NDST4: variants seen among roughly 807,000 people sequenced by gnomAD.
NDST4 encodes N-deacetylase and N-sulfotransferase 4.
A neutral mutation model predicts 100.8 loss-of-function variants in NDST4; 63 were observed. The ratio of observed to expected loss-of-function variants is 0.62; its 90% CI spans 0.51 to 0.77. NDST4 has a LOEUF of 0.77. Among genes scored for constraint, NDST4 ranks in the 30% least tolerant of loss-of-function variants. The pLI, the probability that NDST4 is intolerant of heterozygous loss-of-function variation, is 0.00. For synonymous variants in NDST4, 377 were observed against 361.8 expected (o/e 1.04, Z -0.48); for missense variants, 943 against 1,018.4 (o/e 0.93, Z 1.01).
At chr4:114,981,400 TG>T (rs968308254) in intron 2 of NDST4, among the ~76,000 whole-genome samples, 16 of 152,300 alleles carry the variant, frequency 1.1e-4, no homozygotes, top group Non-Finnish European at 1.9e-4. Context: ...TTGTCAATTC[TG>T]GGGCCCACTT....
chr4:115,015,975 T>A (rs1727668345), intron 2 of NDST4, among the ~76,000 whole-genome samples: 1 of 152,068 alleles, frequency 6.6e-6, no homozygotes, highest in Admixed American at 6.6e-5. Flanking sequence ...CAGCATTTTG[T>A]TCTTACTGAA....
chr4:115,054,148 T>C (rs968651280), intron 2 of NDST4, among the ~76,000 whole-genome samples: 4 of 151,874 alleles, frequency 2.6e-5, no homozygotes, highest in Non-Finnish European at 4.4e-5. Context: ...AAACATAATA[T>C]ACCTAAAAAT....
intron 7 of NDST4, among the ~76,000 whole-genome samples, chr4:114,870,175 C>T (rs543007873): frequency 6.5e-4 from 99 of 152,130 alleles, no homozygotes; most frequent in African/African-American, 2.2e-3. Context: ...CTAAGTGGCC[C>T]CACATGAAGT....
intron 2 of NDST4, among the ~76,000 whole-genome samples, chr4:115,001,231 A>G (rs1727282988): frequency 6.6e-6 from 1 of 151,796 alleles, no homozygotes; most frequent in East Asian, 1.9e-4. Flanking sequence ...CTGGCATTGC[A>G]TGAGGTCTCA....
intron 1 of NDST4, among the ~76,000 whole-genome samples, chr4:115,090,546 TA>T (rs1012463555): frequency 7.9e-5 from 12 of 152,052 alleles, no homozygotes; most frequent in African/African-American, 2.7e-4. Context: ...TTATATTTGA[TA>T]TTTTTTTCTA....
At chr4:115,092,526 G>A (rs1489996800) in intron 1 of NDST4, among the ~76,000 whole-genome samples, 3 of 151,862 alleles carry the variant, frequency 2.0e-5, no homozygotes, top group African/African-American at 7.2e-5. Context: ...AAATCCTGAG[G>A]GATTAAAATC....
intron 2 of NDST4, among the ~76,000 whole-genome samples, chr4:114,996,162 A>G (rs866265672): frequency 4.6e-5 from 7 of 152,176 alleles, no homozygotes; most frequent in African/African-American, 9.6e-5. Context: ...GGGCAGGACC[A>G]GGTAGAGGTA....
At chr4:115,050,817 C>T (rs1452340125) in intron 2 of NDST4, among the ~76,000 whole-genome samples, 1 of 152,182 alleles carries the variant, frequency 6.6e-6, no homozygotes, top group East Asian at 1.9e-4. Flanking sequence ...CTTTGTACTG[C>T]ATTAAATTCT....
chr4:115,005,478 C>A lies in NDST4; in HGVS notation c.979-28204G>T, dbSNP rs535736689. 3.9e-5 allele frequency among the ~76,000 whole-genome samples: 6 copies of A among 152,152 alleles called. No individual in the cohort carries two copies. The South Asian group carries it at 1.0e-3, about 26-fold the overall frequency. ...CAACACCAATATCTTGGGAAGAAAGCATGTCTGAGGTAGTAGAGGAAGAAC... is the reference window on the plus strand; with the variant it reads ...CAACACCAATATCTTGGGAAGAAAGAATGTCTGAGGTAGTAGAGGAAGAAC... On this transcript the variant is annotated intron_variant, in intron 2 of 13. Coordinates refer to ENST00000264363, the MANE Select transcript of NDST4 (RefSeq NM_022569.3).
At chr4:114,941,740 G>A (rs891084971) in intron 4 of NDST4, among the ~76,000 whole-genome samples, 4 of 152,180 alleles carry the variant, frequency 2.6e-5, no homozygotes, top group Non-Finnish European at 4.4e-5. Context: ...CAGGGAGCCA[G>A]TTCTATATGG....
intron 2 of NDST4, among the ~76,000 whole-genome samples, chr4:115,059,091 A>C (rs191687335): frequency 4.6e-5 from 7 of 152,064 alleles, no homozygotes; most frequent in African/African-American, 1.7e-4. Flanking sequence ...GTAGTAGGAC[A>C]TTCCTTAGTG....
chr4:115,018,395 A>T (rs1727736258), intron 2 of NDST4, among the ~76,000 whole-genome samples: 1 of 151,964 alleles, frequency 6.6e-6, no homozygotes, highest in Non-Finnish European at 1.5e-5. Flanking sequence ...CCACATAAAC[A>T]ATATGGAGCT....
chr4:114,849,601 C>G (rs116594289), intron 8 of NDST4, among the ~76,000 whole-genome samples: 3,024 of 152,078 alleles, frequency 0.02, 132 homozygotes, highest in South Asian at 0.18. Context: ...AAGGGAAGAA[C>G]GTAACAACAG....
intron 2 of NDST4, among the ~76,000 whole-genome samples, chr4:115,064,131 G>C (rs1049545020): frequency 6.6e-6 from 1 of 151,910 alleles, no homozygotes; most frequent in Non-Finnish European, 1.5e-5. Context: ...AAAATATTCT[G>C]AGCAGAAAAT....
At chr4:114,945,427 C>A (rs1725841154) in intron 4 of NDST4, among the ~76,000 whole-genome samples, 1 of 152,004 alleles carries the variant, frequency 6.6e-6, no homozygotes, top group East Asian at 1.9e-4. Context: ...CTTGTAAAAC[C>A]AGCCCACAAT....
chr4:115,033,704 A>G (rs1369634454), intron 2 of NDST4, among the ~76,000 whole-genome samples: 1 of 152,092 alleles, frequency 6.6e-6, no homozygotes, highest in Non-Finnish European at 1.5e-5. Flanking sequence ...GAAAGACTGC[A>G]CAATATAAAC....
At chr4:115,083,025 C>T (rs780487618) in intron 1 of NDST4, among the ~76,000 whole-genome samples, 3 of 152,154 alleles carry the variant, frequency 2.0e-5, no homozygotes, top group African/African-American at 4.8e-5. Context: ...CTTGACTTTT[C>T]GTGATGGCTG....
intron 6 of NDST4, among the ~76,000 whole-genome samples, chr4:114,927,082 A>C (rs900884368): frequency 1.3e-5 from 2 of 152,022 alleles, no homozygotes; most frequent in African/African-American, 4.8e-5. Context: ...CTACCATTAG[A>C]TATCTTCCCA....
chr4:115,038,859 C>T (rs1270117331), intron 2 of NDST4, among the ~76,000 whole-genome samples: 1 of 152,032 alleles, frequency 6.6e-6, no homozygotes, highest in Non-Finnish European at 1.5e-5. Flanking sequence ...GCCTGTGGTC[C>T]CAGCTGTTCA....
Sources: allele counts gnomAD v4.1 joint callset (sites outside exome capture counted in the v4.1 genomes callset), GRCh38; gene constraint gnomAD v4.1.1; transcripts MANE v1.5; gene names NCBI Gene and HGNC (gene_info 2026-07-23, HGNC 2026-07-21).